CNKSR3: variants seen among roughly 807,000 people sequenced by gnomAD.
The protein encoded by CNKSR3 is CNKSR family member 3, also known as connector enhancer of kinase suppressor of ras 3.
Under a neutral mutation model 67.7 loss-of-function variants are expected in CNKSR3, and 36 were observed. That is an observed-to-expected ratio of 0.53 (90% CI 0.41 to 0.70). The LOEUF (loss-of-function observed/expected upper bound fraction) is 0.70, where lower values mean the gene tolerates loss of function less well. CNKSR3 is among the 30% of genes least tolerant of loss of function. The pLI is 0.00. For synonymous variants in CNKSR3, 281 were observed against 271.4 expected (o/e 1.04, Z -0.35); for missense variants, 630 against 695.2 (o/e 0.91, Z 1.05).
chr6:154,457,672 G>A (rs573142793), intron 1 of CNKSR3, among the ~76,000 whole-genome samples: 2 of 152,236 alleles, frequency 1.3e-5, no homozygotes, highest in South Asian at 2.1e-4. Context: ...CCTTCTGCTC[G>A]TGGTCACTGT....
chr6:154,468,754 T>C (rs1786263091), intron 1 of CNKSR3, among the ~76,000 whole-genome samples: 1 of 152,208 alleles, frequency 6.6e-6, no homozygotes, highest in African/African-American at 2.4e-5. Flanking sequence ...AATTCAAATA[T>C]AGCGGACACA....
chr6:154,490,658 C>T (rs78559444), intron 1 of CNKSR3, among the ~76,000 whole-genome samples: 1,695 of 152,240 alleles, frequency 0.011, 13 homozygotes, highest in Admixed American at 0.025. Flanking sequence ...TCTAACATCC[C>T]ACTCCCGACT....
intron 2 of CNKSR3, among the ~76,000 whole-genome samples, chr6:154,443,432 G>T (rs374382186): frequency 2.3e-4 from 20 of 86,206 alleles, no homozygotes; most frequent in Middle Eastern, 6.2e-3. Context: ...ACCAAAAATC[G>T]CCCTGTGTCC....
intron 1 of CNKSR3, among the ~76,000 whole-genome samples, chr6:154,509,273 G>A (rs1032659335): frequency 2.6e-5 from 4 of 151,840 alleles, no homozygotes; most frequent in African/African-American, 7.3e-5. Context: ...CCAGCTAGGA[G>A]GACAAGCTTC....
At chr6:154,408,391 G>A (rs1046709293) in intron 12 of CNKSR3, among the ~76,000 whole-genome samples, 5 of 152,136 alleles carry the variant, frequency 3.3e-5, no homozygotes, top group South Asian at 2.1e-4. Context: ...GAAATCACAC[G>A]AAACATTCAC....
intron 1 of CNKSR3, among the ~76,000 whole-genome samples, chr6:154,497,190 G>GT (rs1477751710): frequency 6.6e-6 from 1 of 151,574 alleles, no homozygotes; most frequent in Non-Finnish European, 1.5e-5. Context: ...ACCAGCCTGG[G>GT]AAACGGAAAC....
intron 1 of CNKSR3, among the ~76,000 whole-genome samples, chr6:154,452,041 C>G (rs897115205): frequency 6.6e-6 from 1 of 152,184 alleles, no homozygotes; most frequent in African/African-American, 2.4e-5. Context: ...ACCTCAGCAC[C>G]AGGACACTCA....
chr6:154,486,620 G>A (rs1002195900), intron 1 of CNKSR3, among the ~76,000 whole-genome samples: 1 of 150,184 alleles, frequency 6.7e-6, no homozygotes, highest in East Asian at 1.9e-4. Context: ...AGCCTCCCAA[G>A]TAGCTGGGAT....
At chr6:154,437,389 A>G (rs1179512401) in intron 4 of CNKSR3, among the ~76,000 whole-genome samples, 2 of 136,692 alleles carry the variant, frequency 1.5e-5, no homozygotes, top group Non-Finnish European at 3.2e-5. Context: ...AAATATCACC[A>G]TTTGGCAAAG....
At chr6:154,474,455 A>G (rs1786401364) in intron 1 of CNKSR3, among the ~76,000 whole-genome samples, 2 of 152,014 alleles carry the variant, frequency 1.3e-5, no homozygotes, top group Admixed American at 1.3e-4. Context: ...GTCCTTCAAC[A>G]TACCCAGCAC....
chr6:154,424,091 G>T (rs964560460), intron 7 of CNKSR3, among the ~76,000 whole-genome samples: 2 of 152,114 alleles, frequency 1.3e-5, no homozygotes, highest in African/African-American at 2.4e-5. Flanking sequence ...AATTAGCCAG[G>T]CATGGTGGCG....
chr6:154,507,678 T>C (rs1787128046), intron 1 of CNKSR3, among the ~76,000 whole-genome samples: 1 of 152,280 alleles, frequency 6.6e-6, no homozygotes, highest in Non-Finnish European at 1.5e-5. Context: ...AAGCTGTATT[T>C]CAGGGTCCAA....
At chr6:154,451,066 A>G (rs1785815492) in intron 1 of CNKSR3, among the ~76,000 whole-genome samples, 1 of 152,194 alleles carries the variant, frequency 6.6e-6, no homozygotes, top group African/African-American at 2.4e-5. Flanking sequence ...AAAAGTTCTT[A>G]TAAATACAGA....
intron 1 of CNKSR3, among the ~76,000 whole-genome samples, chr6:154,456,886 C>T (rs993575694): frequency 1.3e-5 from 2 of 152,034 alleles, no homozygotes; most frequent in Non-Finnish European, 2.9e-5. Context: ...TACTGGAAAT[C>T]GACCTCCATT....
intron 1 of CNKSR3, among the ~76,000 whole-genome samples, chr6:154,451,487 GC>G (rs1785827174): frequency 2.0e-5 from 3 of 150,138 alleles, no homozygotes; most frequent in East Asian, 1.9e-4. Flanking sequence ...ACACACACAC[GC>G]ACACACGCAT....
chr6:154,456,543 CAA>C (rs796270097), intron 1 of CNKSR3, among the ~76,000 whole-genome samples: 9 of 108,360 alleles, frequency 8.3e-5, no homozygotes, highest in East Asian at 2.6e-4. Flanking sequence ...ACTAAAAATA[CAA>C]AAAAAAAAAA....
chr6:154,506,278 T>G (rs1787101651), intron 1 of CNKSR3, among the ~76,000 whole-genome samples: 3 of 130,516 alleles, frequency 2.3e-5, no homozygotes, highest in East Asian at 2.2e-4. Flanking sequence ...GAAGAAGAAA[T>G]GAAAAGGAAA....
chr6:154,470,188 C>CCTT (rs1786295381), intron 1 of CNKSR3, among the ~76,000 whole-genome samples: 2 of 68,724 alleles, frequency 2.9e-5, no homozygotes, highest in Non-Finnish European at 5.2e-5. Context: ...ACTTTCTTTC[C>CCTT]TTTTTTTTTT....
chr6:154,506,280 AAAAGGAAAAG>A (rs574852123), intron 1 of CNKSR3, among the ~76,000 whole-genome samples: 18 of 152,306 alleles, frequency 1.2e-4, no homozygotes, highest in East Asian at 9.6e-4. Flanking sequence ...AGAAGAAATG[AAAAGGAAAAG>A]AAAGGAAAAG....
Sources: gnomAD v4.1 joint callset for allele counts (sites outside exome capture counted in the v4.1 genomes callset) on GRCh38, gnomAD v4.1.1 for gene constraint, MANE v1.5 for transcripts, NCBI Gene and HGNC (gene_info 2026-07-23, HGNC 2026-07-21) for gene names.